The following SNCAIP variants were observed in gnomAD, a reference collection of about 807,000 sequenced individuals.
SNCAIP encodes synphilin-1.
SNCAIP carries 43 observed loss-of-function variants against 86.7 expected under a neutral mutation model. The observed-to-expected ratio is 0.50, with a 90% confidence interval of 0.39 to 0.64. SNCAIP has a LOEUF of 0.64. SNCAIP is among the 30% of genes least tolerant of loss of function. SNCAIP has a pLI of 0.00. For synonymous variants in SNCAIP, 417 were observed against 427.2 expected, an observed-to-expected ratio of 0.98 and a Z score of 0.29; for missense variants, 981 against 1,103.1, an observed-to-expected ratio of 0.89 and a Z score of 1.57.
intron 1 of SNCAIP, among the ~76,000 whole-genome samples, chr5:122,326,757 T>C (rs564363648): frequency 2.6e-5 from 4 of 151,914 alleles, no homozygotes; most frequent in South Asian, 2.1e-4. Context: ...AAAACAAATA[T>C]CTTGTTGCCA....
intron 3 of SNCAIP, among the ~76,000 whole-genome samples, chr5:122,418,498 A>G (rs986577203): frequency 2.6e-5 from 4 of 152,228 alleles, no homozygotes; most frequent in Non-Finnish European, 5.9e-5. Flanking sequence ...CTTGCAATAA[A>G]TTCAAGTTCA....
At chr5:122,369,128 A>G (rs1056874884) in intron 1 of SNCAIP, among the ~76,000 whole-genome samples, 29 of 152,314 alleles carry the variant, frequency 1.9e-4, no homozygotes, top group African/African-American at 6.5e-4. Flanking sequence ...GTATAGGTTC[A>G]GACTCAGAAT....
intron 1 of SNCAIP, among the ~76,000 whole-genome samples, chr5:122,380,877 C>G (rs997758439): frequency 2.0e-5 from 3 of 151,968 alleles, no homozygotes; most frequent in Non-Finnish European, 2.9e-5. Flanking sequence ...ATCCTGAGTT[C>G]TAGTTTGATT....
chr5:122,435,757 G>C (rs868703223), intron 6 of SNCAIP, among the ~76,000 whole-genome samples: 1 of 152,038 alleles, frequency 6.6e-6, no homozygotes, highest in East Asian at 1.9e-4. Flanking sequence ...GGGTGTTCCC[G>C]CAGGCTGTGT....
intron 7 of SNCAIP, among the ~76,000 whole-genome samples, chr5:122,443,171 A>T (rs1231624995): frequency 6.6e-6 from 1 of 152,156 alleles, no homozygotes; most frequent in Non-Finnish European, 1.5e-5. Context: ...CCAAAAGGAA[A>T]ACGAAGCTCC....
At chr5:122,314,776 TG>T (rs1751361170) in intron 1 of SNCAIP, among the ~76,000 whole-genome samples, 1 of 152,212 alleles carries the variant, frequency 6.6e-6, no homozygotes, top group Admixed American at 6.5e-5. Context: ...GATCAAAATA[TG>T]TGTTAAAATA....
intron 3 of SNCAIP, among the ~76,000 whole-genome samples, chr5:122,406,271 CCT>C (rs1292884121): frequency 6.6e-6 from 1 of 152,196 alleles, no homozygotes; most frequent in Non-Finnish European, 1.5e-5. Flanking sequence ...CCCTCCTCCC[CCT>C]GTCTTTCTTG....
At chr5:122,342,093 GC>G (rs1757712111) in intron 1 of SNCAIP, among the ~76,000 whole-genome samples, 1 of 152,114 alleles carries the variant, frequency 6.6e-6, no homozygotes, top group African/African-American at 2.4e-5. Context: ...TTGCCCATCA[GC>G]TGCCCATTCT....
At position 122,330,117 on chromosome 5, in the gene SNCAIP, CTT is replaced by C. The variant is rs1212303157; in HGVS notation, c.-47+17854_-47+17855del. ...CTTACCTCCGTGTACAACTTCATTT[CTT>C]TTTTTTTTTTTTTTTTTTTTGAGAC... On this transcript the variant is annotated intron_variant, in intron 1 of 10. Coordinates refer to ENST00000261368, the MANE Select transcript of SNCAIP (RefSeq NM_005460.4). Among the ~76,000 whole-genome samples, 658 of 96,808 alleles carry C rather than the reference CTT, an allele frequency of 6.8e-3. 6 individuals are homozygous for C. Among genetic ancestry groups the C allele is most frequent in the Admixed American group, 0.03 (290 of 9,610 alleles). The allele number at this position is 96,808 out of a possible 152,430, so 63.5% of individuals were successfully genotyped here. A position where few individuals can be genotyped will look rare whatever the true frequency, so the allele number is the denominator to read the frequency against.
In SNCAIP at chr5:122,450,821, G is replaced by A; in HGVS notation, c.1974G>A (p.Glu658=). The change falls in exon 10 of 11, where the codon GAG becomes GAA. Residue 658 remains glutamate, a synonymous_variant. Transcript: ENST00000261368. ...SSRNSKKIPL[E]KRELKLARLR... is the part of the protein sequence containing the mutation. ...GAAATTCTAAAAAGATCCCACTGGA[G>A]AAGAGGGAACTGAAGTTAGCCAGGC... is the stretch of plus-strand genomic sequence containing the variant. The A allele has an allele frequency of 6.2e-7, 1 of 1,614,140 alleles. No homozygotes were observed. Among genetic ancestry groups the A allele is most frequent in the African/African-American group, 1.3e-5 (1 of 75,048 alleles).
At chr5:122,345,670 C>G (rs1269782323) in intron 1 of SNCAIP, among the ~76,000 whole-genome samples, 3 of 149,362 alleles carry the variant, frequency 2.0e-5, no homozygotes, top group African/African-American at 7.6e-5. Flanking sequence ...CAACATTGCT[C>G]AACACCCGGA....
chr5:122,417,841 G>T (rs1775627769), intron 3 of SNCAIP, among the ~76,000 whole-genome samples: 1 of 152,148 alleles, frequency 6.6e-6, no homozygotes, highest in Non-Finnish European at 1.5e-5. Flanking sequence ...AACACAAGTT[G>T]GTTCTCAGGC....
chr5:122,441,567 A>C (rs982279681), intron 7 of SNCAIP, among the ~76,000 whole-genome samples: 1 of 152,154 alleles, frequency 6.6e-6, no homozygotes, highest in Non-Finnish European at 1.5e-5. Flanking sequence ...TGAGAAGAAG[A>C]GGTGACATCT....
intron 1 of SNCAIP, among the ~76,000 whole-genome samples, chr5:122,375,372 T>G (rs1765076386): frequency 6.6e-6 from 1 of 152,122 alleles, no homozygotes; most frequent in African/African-American, 2.4e-5. Context: ...CTGGGTTAGC[T>G]CTTTGGACTG....
intron 1 of SNCAIP, among the ~76,000 whole-genome samples, chr5:122,355,113 G>C (rs1210138467): frequency 1.3e-5 from 2 of 152,174 alleles, no homozygotes; most frequent in Non-Finnish European, 2.9e-5. Context: ...CATTTCTAGA[G>C]AGGTAAGCAA....
intron 3 of SNCAIP, among the ~76,000 whole-genome samples, chr5:122,420,675 T>C (rs182217576): frequency 6.6e-6 from 1 of 152,330 alleles, no homozygotes; most frequent in African/African-American, 2.4e-5. Flanking sequence ...ATGTCCACTA[T>C]CTGCTGTTTT....
intron 6 of SNCAIP, among the ~76,000 whole-genome samples, chr5:122,439,423 A>C (rs1780295730): frequency 6.6e-6 from 1 of 151,994 alleles, no homozygotes; most frequent in African/African-American, 2.4e-5. Context: ...TAGGGGTCTT[A>C]CTCCCTGGTG....
intron 1 of SNCAIP, among the ~76,000 whole-genome samples, chr5:122,363,400 C>G (rs139267066): frequency 3.4e-3 from 519 of 152,266 alleles, no homozygotes; most frequent in Admixed American, 7.7e-3. Context: ...GGCATTGCTC[C>G]CTGGAAGGGA....
At chr5:122,429,237 G>A (rs1178979825) in intron 5 of SNCAIP, among the ~76,000 whole-genome samples, 2 of 151,302 alleles carry the variant, frequency 1.3e-5, no homozygotes, top group African/African-American at 4.9e-5. Flanking sequence ...GTGGGAAGGA[G>A]AAAGACTTCA....
Sources: allele counts gnomAD v4.1 joint callset (sites outside exome capture counted in the v4.1 genomes callset), GRCh38; gene constraint gnomAD v4.1.1; transcripts MANE v1.5; gene names NCBI Gene and HGNC (gene_info 2026-07-23, HGNC 2026-07-21).